TMEFF1: variants seen among roughly 807,000 people sequenced by gnomAD.
TMEFF1 encodes the protein transmembrane protein with EGF like and two follistatin like domains 1, also known as tomoregulin-1.
In TMEFF1, 20 loss-of-function variants were observed where a neutral mutation model predicts 47.5. That is an observed-to-expected ratio of 0.42 (90% confidence interval 0.30 to 0.61). The LOEUF (loss-of-function observed/expected upper bound fraction) is 0.61, where lower values mean the gene tolerates loss of function less well. TMEFF1 is among the 20% of genes least tolerant of loss of function. The probability of loss-of-function intolerance (pLI) is 0.19; values close to 1 mark genes in which losing one functional copy is unlikely to be tolerated. For missense variants in TMEFF1, 411 were observed against 471.1 expected (o/e 0.87, Z 1.18); for synonymous variants, 162 against 166.3 (o/e 0.97, Z 0.20).
In TMEFF1 at chr9:100,556,563, C is replaced by T. The variant is rs116636696; in HGVS notation, c.776-4834C>T. Among the ~76,000 whole-genome samples the T allele has an allele frequency of 1.0e-3, 153 of 152,084 alleles. 1 individual carries two copies. Among genetic ancestry groups the T allele is most frequent in the African/African-American group, 3.5e-3 (146 of 41,478 alleles). On this transcript the variant is annotated intron_variant, in intron 7 of 9. Coordinates refer to ENST00000374879, the MANE Select transcript of TMEFF1 (RefSeq NM_003692.5). ...TGGGGAAGTCTACACCAAGTTGAAGCGAGGTTTCATTCAACATAAAGAAAA... is the reference window on the plus strand; with the variant it reads ...TGGGGAAGTCTACACCAAGTTGAAGTGAGGTTTCATTCAACATAAAGAAAA...
chr9:100,538,342 C>T (rs1455873857), intron 5 of TMEFF1, among the ~76,000 whole-genome samples: 2 of 152,252 alleles, frequency 1.3e-5, no homozygotes, highest in East Asian at 3.8e-4. Context: ...AGGCGTGAGC[C>T]TCTGTGCCCG....
At chr9:100,477,747 C>T (rs368868393) in intron 1 of TMEFF1, among the ~76,000 whole-genome samples, 209 of 151,654 alleles carry the variant, frequency 1.4e-3, no homozygotes, top group African/African-American at 4.8e-3. Context: ...TGCCTCAAGC[C>T]TCCCGAGTAG....
intron 5 of TMEFF1, among the ~76,000 whole-genome samples, chr9:100,518,779 A>G (rs964310755): frequency 2.0e-5 from 3 of 152,130 alleles, no homozygotes; most frequent in African/African-American, 7.2e-5. Context: ...CCATGGTACC[A>G]AGAAAGTTAT....
chr9:100,494,640 A>G (rs1441517552), intron 1 of TMEFF1, among the ~76,000 whole-genome samples: 3 of 152,152 alleles, frequency 2.0e-5, no homozygotes, highest in Non-Finnish European at 1.5e-5. Context: ...GGAGGAAGGG[A>G]CAGTGCCTAC....
At chr9:100,535,604 C>G (rs1021228789) in intron 5 of TMEFF1, among the ~76,000 whole-genome samples, 2 of 152,172 alleles carry the variant, frequency 1.3e-5, no homozygotes, top group African/African-American at 4.8e-5. Flanking sequence ...AACCCTGCCT[C>G]TACCAAAAAT....
rs137975974 is a variant in TMEFF1 at position 100,506,624 on chromosome 9, G to A, written c.307-2381G>A. Among the ~76,000 whole-genome samples the A allele has an allele frequency of 6.4e-3, 968 of 151,602 alleles. 9 individuals are homozygous for A. The highest frequency in any genetic ancestry group is 0.022 in the African/African-American group (895 of 41,392). On this transcript the variant is annotated intron_variant, in intron 2 of 9. Coordinates refer to ENST00000374879, the MANE Select transcript of TMEFF1 (RefSeq NM_003692.5). ...ACTAAAAATACAAAAAAAATTAGCC[G>A]GACGTGGTGGCGGGCGCCTGTAGTC...
rs1452891225 is a variant in TMEFF1, at chr9:100,524,098, C to T, written c.560+7327C>T. 5.3e-5 allele frequency among the ~76,000 whole-genome samples: 8 copies of T among 151,976 alleles called. No individual in the cohort carries two copies. In the South Asian group the frequency reaches 1.7e-3, roughly 32 times the overall value. ...CTGTGATCTGTTTCTTGTTTAATCT[C>T]CTGGGGTATTTTATGTATGTGCAAG... On this transcript the variant is annotated intron_variant, in intron 5 of 9. Coordinates refer to ENST00000374879, the MANE Select transcript of TMEFF1 (RefSeq NM_003692.5).
chr9:100,557,013 T>C (rs1838927322), intron 7 of TMEFF1, among the ~76,000 whole-genome samples: 1 of 151,222 alleles, frequency 6.6e-6, no homozygotes, highest in African/African-American at 2.4e-5. Flanking sequence ...TCCCAGTTAA[T>C]GGATTATGTA....
At position 100,533,021 on chromosome 9, in the gene TMEFF1, A is replaced by G. The variant is rs10989142; in HGVS notation, c.561-14723A>G. Reference sequence around the variant, plus strand: ...CAAAACACTGCATATTCTCACTCATAGGTGGGAATTGAACAATGAGATCAC... The same window carrying G: ...CAAAACACTGCATATTCTCACTCATGGGTGGGAATTGAACAATGAGATCAC... On this transcript the variant is annotated intron_variant, in intron 5 of 9. Coordinates refer to ENST00000374879, the MANE Select transcript of TMEFF1 (RefSeq NM_003692.5). 4.9e-4 allele frequency among the ~76,000 whole-genome samples: 71 copies of G among 144,960 alleles called. 2 individuals are homozygous for G. The South Asian group carries it at 0.015, about 31-fold the overall frequency.
At chr9:100,478,466 A>G (rs778856419) in intron 1 of TMEFF1, among the ~76,000 whole-genome samples, 1 of 152,116 alleles carries the variant, frequency 6.6e-6, no homozygotes, top group Non-Finnish European at 1.5e-5. Context: ...GGTGCGTGCC[A>G]CCACACTCGG....
intron 8 of TMEFF1, among the ~76,000 whole-genome samples, chr9:100,565,761 G>A (rs544452852): frequency 1.3e-5 from 2 of 152,270 alleles, no homozygotes; most frequent in East Asian, 3.9e-4. Flanking sequence ...CTGTATCATA[G>A]AACTTGATAT....
chr9:100,550,535 C>T (rs1213660425), intron 7 of TMEFF1, among the ~76,000 whole-genome samples: 1 of 152,216 alleles, frequency 6.6e-6, no homozygotes, highest in Non-Finnish European at 1.5e-5. Context: ...GCCTGAAACT[C>T]TTTATTTCCT....
At chr9:100,518,021 C>G (rs938894824) in intron 5 of TMEFF1, among the ~76,000 whole-genome samples, 4 of 152,114 alleles carry the variant, frequency 2.6e-5, no homozygotes, top group Non-Finnish European at 5.9e-5. Flanking sequence ...ATCAATTGGT[C>G]TGTTTTTATT....
chr9:100,538,244 G>C (rs1564022178), intron 5 of TMEFF1, among the ~76,000 whole-genome samples: 2 of 152,156 alleles, frequency 1.3e-5, no homozygotes, highest in African/African-American at 4.8e-5. Context: ...TTTTAGTAGA[G>C]ATGGGGTTTC....
At chr9:100,549,991 G>A (rs1182921442) in intron 6 of TMEFF1, 104 bp from the exon 7 acceptor site, 3 of 1,340,580 alleles carry the variant, frequency 2.2e-6, no homozygotes, top group Non-Finnish European at 2.0e-6. Context: ...GGATAAGGGG[G>A]CAGAGGTTAA....
chr9:100,559,203 A>C (rs1838969826), intron 7 of TMEFF1, among the ~76,000 whole-genome samples: 1 of 152,234 alleles, frequency 6.6e-6, no homozygotes, highest in Non-Finnish European at 1.5e-5. Context: ...TGAGTGTTAT[A>C]ATAGAGGAGT....
chr9:100,498,985 G>GCTGTGACCCCAAT, intron 2 of TMEFF1, 111 bp downstream of exon 2: 1 of 1,126,958 alleles, frequency 8.9e-7, no homozygotes, highest in Non-Finnish European at 1.3e-6. Context: ...AGAAATTGGG[G>GCTGTGACCCCAAT]TCACAGCCCC....
intron 5 of TMEFF1, among the ~76,000 whole-genome samples, chr9:100,544,466 A>G (rs1327424142): frequency 6.6e-6 from 1 of 152,234 alleles, no homozygotes; most frequent in East Asian, 1.9e-4. Flanking sequence ...TCATGAGAGC[A>G]GCACAGGAAA....
intron 4 of TMEFF1, among the ~76,000 whole-genome samples, chr9:100,514,681 T>A (rs1349856525): frequency 2.1e-5 from 3 of 139,950 alleles, no homozygotes; most frequent in Non-Finnish European, 4.6e-5. Flanking sequence ...TGAGACCCTG[T>A]CTCTACCCCA....
Sources: allele counts gnomAD v4.1 joint callset (sites outside exome capture counted in the v4.1 genomes callset), GRCh38; gene constraint gnomAD v4.1.1; transcripts MANE v1.5; gene names NCBI Gene and HGNC (gene_info 2026-07-23, HGNC 2026-07-21).